Variants in CEP162 observed in about 807,000 individuals in gnomAD.
CEP162 encodes the protein centrosomal protein 162.
Under a neutral mutation model 169.2 loss-of-function variants are expected in CEP162, and 141 were observed. That is an observed-to-expected ratio of 0.83 (90% CI 0.73 to 0.96). CEP162 has a LOEUF of 0.96. CEP162 is among the 40% of genes least tolerant of loss of function. The probability of loss-of-function intolerance (pLI) is 0.00; values close to 1 mark genes in which losing one functional copy is unlikely to be tolerated. For missense variants in CEP162, 1,600 were observed against 1,587.2 expected (o/e 1.01, Z -0.14); for synonymous variants, 540 against 526.4 (o/e 1.03, Z -0.35).
At chr6:84,208,688 A>G (rs1295858947) in intron 6 of CEP162, among the ~76,000 whole-genome samples, 7 of 152,220 alleles carry the variant, frequency 4.6e-5, no homozygotes. Context: ...TAGATAAACT[A>G]GGTTAGTTGG....
intron 25 of CEP162, among the ~76,000 whole-genome samples, chr6:84,144,258 ATCT>A (rs1252868759): frequency 1.3e-5 from 2 of 151,994 alleles, no homozygotes; most frequent in Admixed American, 1.3e-4. Context: ...ACAATGTTTA[ATCT>A]TCTTTGAGTT....
At chr6:84,125,465 T>C (rs2129181612) in intron 26 of CEP162, among the ~76,000 whole-genome samples, 189 bp from the exon 27 acceptor site, 1 of 152,236 alleles carries the variant, frequency 6.6e-6, no homozygotes, top group South Asian at 2.1e-4. Context: ...GGACTAAATG[T>C]TTGTGTCCCC....
intron 24 of CEP162, among the ~76,000 whole-genome samples, chr6:84,147,392 T>C (rs933639673): frequency 3.3e-5 from 5 of 152,012 alleles, no homozygotes; most frequent in African/African-American, 9.7e-5. Flanking sequence ...TACAGTTAGA[T>C]AGATGAAATA....
chr6:84,169,303 T>G lies in CEP162; in HGVS notation c.2385+25A>C, dbSNP rs376017784. 7.1e-6 allele frequency: 9 copies of G among 1,269,792 alleles called. 1 individual carries two copies. In the African/African-American group the frequency reaches 1.4e-4, roughly 19 times the overall value. 78.7% of individuals were successfully genotyped at this position (1,269,792 alleles called of 1,614,324 possible). A position where few individuals can be genotyped will look rare whatever the true frequency, so the allele number is the denominator to read the frequency against. Reference sequence around the variant, plus strand: ...TTTATAAAACCTTTATTATCCCTAATAGTCAAAATCGTTATGCAACTTACC... The same window carrying G: ...TTTATAAAACCTTTATTATCCCTAAGAGTCAAAATCGTTATGCAACTTACC... On this transcript the variant is annotated intron_variant, in intron 18 of 26. Coordinates refer to ENST00000403245, the MANE Select transcript of CEP162 (RefSeq NM_014895.4).
At chr6:84,213,128 C>T (rs2099550157) in intron 5 of CEP162, 104 bp from the exon 6 acceptor site, 1 of 650,520 alleles carries the variant, frequency 1.5e-6, no homozygotes, top group East Asian at 2.9e-5. Context: ...TATACATGTC[C>T]TCTCTCAAGT....
rs1562027252 is a variant in CEP162, at chr6:84,160,921, CAATA to C, written c.2677-9_2677-6del. 1.9e-6 allele frequency: 3 copies of C among 1,563,454 alleles called. No individual in the cohort carries two copies. Among genetic ancestry groups the C allele is most frequent in the South Asian group, 2.2e-5 (2 of 90,002 alleles). ...TTCAGCTTTCAGTTTCTCAATCTGT[CAATA>C]AATAAATAACATGTTAAGAAGCATA... is the stretch of plus-strand genomic sequence containing the variant. On this transcript the variant is annotated splice_region_variant and splice_polypyrimidine_tract_variant and intron_variant, in intron 20 of 26. Coordinates refer to ENST00000403245, the MANE Select transcript of CEP162 (RefSeq NM_014895.4).
At chr6:84,139,513 T>A (rs1285030266) in intron 25 of CEP162, among the ~76,000 whole-genome samples, 1 of 152,150 alleles carries the variant, frequency 6.6e-6, no homozygotes, top group Non-Finnish European at 1.5e-5. Context: ...GAAAAAAAAT[T>A]TTTCCTTCCT....
At chr6:84,221,587 A>G (rs1309301355) in intron 2 of CEP162, among the ~76,000 whole-genome samples, 2 of 152,204 alleles carry the variant, frequency 1.3e-5, no homozygotes, top group African/African-American at 4.8e-5. Flanking sequence ...CAGGGTGTAA[A>G]GAGGAGGATG....
At chr6:84,149,171 CCTA>C (rs2099520188) in intron 24 of CEP162, among the ~76,000 whole-genome samples, 1 of 151,972 alleles carries the variant, frequency 6.6e-6, no homozygotes, top group Non-Finnish European at 1.5e-5. Flanking sequence ...AGGAAGAATG[CCTA>C]AGGATAACTG....
intron 25 of CEP162, among the ~76,000 whole-genome samples, chr6:84,139,402 C>A (rs1300163409): frequency 6.6e-6 from 1 of 152,186 alleles, no homozygotes; most frequent in African/African-American, 2.4e-5. Context: ...CATGAGGTTT[C>A]TCCTGTGATG....
chr6:84,153,284 C>T (rs1403787450), intron 22 of CEP162, 105 bp from the exon 23 acceptor site: 1 of 996,592 alleles, frequency 1.0e-6, no homozygotes, highest in Admixed American at 3.2e-5. Flanking sequence ...TTCAGGTACT[C>T]ATTATACATT....
At chr6:84,147,029 G>A (rs925455712) in intron 24 of CEP162, among the ~76,000 whole-genome samples, 3 of 151,934 alleles carry the variant, frequency 2.0e-5, no homozygotes, top group Non-Finnish European at 2.9e-5. Context: ...TATATCAAAC[G>A]GACACCTGGC....
chr6:84,126,238 T>C (rs1307430599), intron 26 of CEP162, 140 bp downstream of exon 26: 2 of 529,930 alleles, frequency 3.8e-6, no homozygotes, highest in Non-Finnish European at 5.9e-6. Context: ...AAGTTATAAA[T>C]TTATTAAATT....
intron 25 of CEP162, among the ~76,000 whole-genome samples, chr6:84,134,091 G>T (rs2099512821): frequency 6.6e-6 from 1 of 152,228 alleles, no homozygotes; most frequent in Non-Finnish European, 1.5e-5. Flanking sequence ...TTCCGGCTAT[G>T]GCGGCTTTGC....
intron 16 of CEP162, among the ~76,000 whole-genome samples, chr6:84,172,640 A>G (rs1450678341): frequency 6.6e-6 from 1 of 152,162 alleles, no homozygotes; most frequent in African/African-American, 2.4e-5. Context: ...TTTTAATGGC[A>G]AGATCAAACT....
intron 10 of CEP162, among the ~76,000 whole-genome samples, chr6:84,194,599 G>A (rs1052682907): frequency 4.0e-5 from 6 of 151,884 alleles, no homozygotes; most frequent in Admixed American, 6.6e-5. Context: ...GACTATAGGC[G>A]TGTGCCACCA....
chr6:84,175,016 G>T, intron 14 of CEP162, 62 bp from the exon 15 acceptor site: 1 of 1,137,096 alleles, frequency 8.8e-7, no homozygotes, highest in Non-Finnish European at 1.2e-6. Context: ...AACACAGGTG[G>T]TTAATTAAAA....
At chr6:84,222,098 G>T (rs1183325544) in intron 2 of CEP162, among the ~76,000 whole-genome samples, 1 of 150,896 alleles carries the variant, frequency 6.6e-6, no homozygotes, top group African/African-American at 2.4e-5. Flanking sequence ...TTATCCCTAC[G>T]TCCCTTTTAC....
At chr6:84,154,764 A>G (rs1392769966) in intron 22 of CEP162, among the ~76,000 whole-genome samples, 2 of 152,162 alleles carry the variant, frequency 1.3e-5, no homozygotes. Flanking sequence ...AATTTTTTTT[A>G]AAGTAAATTA....
Sources: allele counts gnomAD v4.1 joint callset (sites outside exome capture counted in the v4.1 genomes callset), GRCh38; gene constraint gnomAD v4.1.1; transcripts MANE v1.5; gene names NCBI Gene and HGNC (gene_info 2026-07-23, HGNC 2026-07-21).